Variants in ENO4 observed in about 807,000 individuals in gnomAD.
ENO4 encodes 2-phospho-D-glycerate hydro-lyase.
Under a neutral mutation model 63.2 loss-of-function variants are expected in ENO4, and 53 were observed. The ratio of observed to expected loss-of-function variants is 0.84; its 90% confidence interval spans 0.67 to 1.05. The LOEUF is 1.05. ENO4 is among the 50% of genes least tolerant of loss of function. The pLI, the probability that ENO4 is intolerant of heterozygous loss-of-function variation, is 0.00. For missense variants in ENO4, 719 were observed against 772.0 expected (o/e 0.93, Z 0.81); for synonymous variants, 266 against 283.8 (o/e 0.94, Z 0.63).
At chr10:116,856,759 T>C (rs1266958089) in intron 3 of ENO4, 77 bp downstream of exon 3, 5 of 1,274,176 alleles carry the variant, frequency 3.9e-6, no homozygotes, top group East Asian at 2.7e-5. Flanking sequence ...CCCAGCACTT[T>C]GGGAGGCCGA....
intron 4 of ENO4, 151 bp from the exon 5 acceptor site, chr10:116,860,643 A>T: frequency 2.0e-6 from 1 of 503,574 alleles, no homozygotes. Context: ...TGAGAATCTT[A>T]AGCAAAAGCA....
At chr10:116,865,358 T>C (rs1431364985) in intron 7 of ENO4, among the ~76,000 whole-genome samples, 1 of 152,168 alleles carries the variant, frequency 6.6e-6, no homozygotes, top group Non-Finnish European at 1.5e-5. Flanking sequence ...AGCTAATTTT[T>C]GTATTTTTAG....
chr10:116,859,276 C>A, intron 4 of ENO4, 138 bp downstream of exon 4: 1 of 937,272 alleles, frequency 1.1e-6, no homozygotes, highest in South Asian at 3.0e-5. Flanking sequence ...CATCCTATGC[C>A]ACATCCTCAC....
chr10:116,901,719 T>C, intron 10 of ENO4: 5 of 1,468,484 alleles, frequency 3.4e-6, no homozygotes, highest in Non-Finnish European at 4.5e-6. Context: ...AGTTAGTCAT[T>C]ACAGATTCTT....
rs1346509286 is a variant in ENO4 at position 116,906,547 on chromosome 10, T to C, written c.1195-4952T>C. ...TATTTTAATAATACTTTTTAAAAGA[T>C]TGTTTCATGTAAAAAGAGACTTAGA... On this transcript the variant is annotated intron_variant, in intron 10 of 10. Transcript: ENST00000369207. 13 of 1,370,212 alleles carry C rather than the reference T, an allele frequency of 9.5e-6. No individual in the cohort carries two copies. In the South Asian group the frequency reaches 1.4e-4, roughly 15 times the overall value. The allele number at this position is 1,370,212 out of a possible 1,614,324, so 84.9% of individuals were successfully genotyped here. A position where few individuals can be genotyped will look rare whatever the true frequency, so the allele number is the denominator to read the frequency against.
rs201425735 is a variant in ENO4 at position 116,870,365 on chromosome 10, G to C, written c.1048-760G>C. ...ATCTTCAGTATTGCATCCTCTTAGT[G>C]GAAGTCTTCAATCCTTTTAAAGTGG... On this transcript the variant is annotated intron_variant, in intron 8 of 13. Coordinates refer to ENST00000341276, the MANE Select transcript of ENO4 (RefSeq NM_001242699.2). 5.3e-5 allele frequency among the ~76,000 whole-genome samples: 8 copies of C among 152,254 alleles called. No homozygotes were observed. In the East Asian group the frequency reaches 1.4e-3, roughly 26 times the overall value.
At chr10:116,850,173 T>G in intron 1 of ENO4, 2 of 248,276 alleles carry the variant, frequency 8.1e-6, no homozygotes, top group Non-Finnish European at 1.6e-5. Flanking sequence ...TGCTACAACT[T>G]GGCTTCAGCC....
intron 8 of ENO4, 134 bp downstream of exon 8, chr10:116,868,840 T>G (rs947516592): frequency 2.1e-5 from 16 of 777,496 alleles, no homozygotes; most frequent in African/African-American, 3.5e-5. Flanking sequence ...GTGATATTGC[T>G]CCAGACACCC....
rs1846454756 is a variant in ENO4 at position 116,862,961 on chromosome 10, T to C, written c.990+109T>C. Reference sequence around the variant, plus strand: ...TCAATTGTGGTTGATATGGAGAATGTATTTATTGGCTTTGGGTTTCCCCCA... The same window carrying C: ...TCAATTGTGGTTGATATGGAGAATGCATTTATTGGCTTTGGGTTTCCCCCA... On this transcript the variant is annotated intron_variant, in intron 7 of 13. Coordinates refer to ENST00000341276, the MANE Select transcript of ENO4 (RefSeq NM_001242699.2). 1.6e-5 allele frequency: 13 copies of C among 803,456 alleles called. No individual in the cohort carries two copies. The Admixed American group carries it at 2.8e-4, about 17-fold the overall frequency. The allele number at this position is 803,456 out of a possible 1,614,324, so 49.8% of individuals were successfully genotyped here.
chr10:116,906,443 A>G (rs1006475170), intron 10 of ENO4, among the ~76,000 whole-genome samples: 1 of 152,254 alleles, frequency 6.6e-6, no homozygotes, highest in Non-Finnish European at 1.5e-5. Context: ...ACCAATAAAT[A>G]AAAATATCTA....
chr10:116,868,922 C>T (rs1195832371), intron 8 of ENO4, among the ~76,000 whole-genome samples: 1 of 152,208 alleles, frequency 6.6e-6, no homozygotes, highest in African/African-American at 2.4e-5. Context: ...CAGCAGCTGT[C>T]TGACCATCTG....
Position 116,860,802 on chromosome 10 carries a change from G to A in ENO4, c.643G>A (p.Asp215Asn). 1 of 1,493,692 alleles carries A rather than the reference G, an allele frequency of 6.7e-7. No homozygotes were observed. The highest frequency in any genetic ancestry group is 9.0e-7 in the Non-Finnish European group (1 of 1,110,422). The allele number at this position is 1,493,692 out of a possible 1,614,324, so 92.5% of individuals were successfully genotyped here. ...KKKGQKPGRKDTITEKPIAPA... is the reference protein window; with the variant it reads ...KKKGQKPGRKNTITEKPIAPA... ...AATATTTCTCCCTCCAGGGAGGAAG[G>A]ATACTATTACAGAGAAACCTATTGC... The change falls in exon 5 of 14, where the codon GAT becomes AAT. Residue 215 changes from aspartate (D) to asparagine (N), a missense_variant. Around this residue, in one of 3 missense-constraint regions of ENO4, gnomAD observed 544 missense variants for 583.6 expected, o/e 0.93. Transcript: ENST00000341276.
chr10:116,858,796 A>G (rs542752294), intron 3 of ENO4, among the ~76,000 whole-genome samples, 194 bp from the exon 4 acceptor site: 1 of 152,346 alleles, frequency 6.6e-6, no homozygotes, highest in South Asian at 2.1e-4. Context: ...GCCAAAATGA[A>G]TTTCAGTTCT....
chr10:116,912,365 T>A (rs1848232431), downstream of ENO4, among the ~76,000 whole-genome samples: 1 of 151,942 alleles, frequency 6.6e-6, no homozygotes, highest in Non-Finnish European at 1.5e-5. Context: ...GAGGACAGAG[T>A]CGAGAGAGCA....
intron 10 of ENO4, among the ~76,000 whole-genome samples, chr10:116,902,474 T>C (rs1320468987): frequency 6.6e-6 from 1 of 152,216 alleles, no homozygotes; most frequent in Non-Finnish European, 1.5e-5. Flanking sequence ...TTGTTTCCTC[T>C]TAAAACACAG....
intron 10 of ENO4, among the ~76,000 whole-genome samples, chr10:116,893,051 AAC>A (rs1847387651): frequency 6.6e-6 from 1 of 152,256 alleles, no homozygotes; most frequent in African/African-American, 2.4e-5. Flanking sequence ...GCAGCATTTT[AAC>A]AGTAATTTTG....
At chr10:116,896,720 C>T (rs920061937) in intron 10 of ENO4, among the ~76,000 whole-genome samples, 5 of 151,924 alleles carry the variant, frequency 3.3e-5, no homozygotes, top group Non-Finnish European at 5.9e-5. Flanking sequence ...AAGCAGTCGT[C>T]TCATCTTCTC....
downstream of ENO4, among the ~76,000 whole-genome samples, chr10:116,912,138 G>A (rs1416164649): frequency 6.6e-6 from 1 of 152,144 alleles, no homozygotes; most frequent in East Asian, 1.9e-4. Flanking sequence ...GAGAAGATTT[G>A]GTAGACATCG....
At chr10:116,902,060 G>T in intron 10 of ENO4, 1 of 1,033,408 alleles carries the variant, frequency 9.7e-7, no homozygotes, top group Non-Finnish European at 1.4e-6. Flanking sequence ...AAGTGAAAAG[G>T]CCAAGTTTGT....
Sources: gnomAD v4.1 joint callset for allele counts (sites outside exome capture counted in the v4.1 genomes callset) on GRCh38, gnomAD v4.1.1 for gene constraint, gnomAD v4.1.1 regional missense constraint, MANE v1.5 for transcripts, NCBI Gene and HGNC (gene_info 2026-07-23, HGNC 2026-07-21) for gene names.